Variants in SIPA1L1 observed in about 807,000 individuals in gnomAD.
The protein encoded by SIPA1L1 is signal-induced proliferation-associated 1-like protein 1.
A neutral mutation model predicts 162.7 loss-of-function variants in SIPA1L1; 26 were observed. The ratio of observed to expected loss-of-function variants is 0.16; its 90% CI spans 0.12 to 0.22. SIPA1L1 has a LOEUF of 0.22. SIPA1L1 is among the 10% of genes least tolerant of loss of function. The pLI is 1.00. For synonymous variants in SIPA1L1, 829 were observed against 837.4 expected, an observed-to-expected ratio of 0.99 and a Z score of 0.17; for missense variants, 1,874 against 2,241.0, an observed-to-expected ratio of 0.84 and a Z score of 3.31.
At chr14:71,681,395 A>T (rs1451463839) in intron 12 of SIPA1L1, among the ~76,000 whole-genome samples, 1 of 152,196 alleles carries the variant, frequency 6.6e-6, no homozygotes, top group Non-Finnish European at 1.5e-5. Context: ...TCAACCCTTT[A>T]TTCTGTTGAG....
intron 17 of SIPA1L1, among the ~76,000 whole-genome samples, chr14:71,715,750 T>A (rs992676249): frequency 6.6e-5 from 10 of 152,250 alleles, no homozygotes; most frequent in Non-Finnish European, 8.8e-5. Context: ...AACAAGCAGG[T>A]ATCTCCCACA....
chr14:71,469,478 T>TC (rs1457016676), intron 2 of SIPA1L1, among the ~76,000 whole-genome samples: 1 of 151,934 alleles, frequency 6.6e-6, no homozygotes, highest in Non-Finnish European at 1.5e-5. Flanking sequence ...TCTTAACCCA[T>TC]CCCCAAGTGC....
Position 71,702,394 on chromosome 14 carries a change from C to G in SIPA1L1, c.3535C>G (p.Arg1179Gly), listed in dbSNP as rs754202604. 1 of 1,614,054 alleles carries G rather than the reference C, an allele frequency of 6.2e-7. No individual in the cohort carries two copies. Among genetic ancestry groups the G allele is most frequent in the South Asian group, 1.1e-5 (1 of 91,070 alleles). ...AAATCACCACAGGTTTGGAGTGAGC[C>G]GTAGATCCCCAGCCTCCATTGACAG... ...KSMPEGFGVSRRSPASIDRQN... is the reference protein window; with the variant it reads ...KSMPEGFGVSGRSPASIDRQN... Residue 1179 changes from arginine to glycine, a missense_variant, in exon 15 of 24, where the codon CGT (arginine) becomes GGT (glycine). Physicochemically the swap from Arg to Gly is moderately radical, Grantham distance 125 (BLOSUM62 -2). Around this residue, in one of 5 missense-constraint regions of SIPA1L1, gnomAD observed 936 missense variants for 1,051.9 expected, o/e 0.89. Transcript: ENST00000381232.
chr14:71,463,451 CGTTTTGGGTCCCCTGGAA>C (rs1401654855), intron 2 of SIPA1L1, among the ~76,000 whole-genome samples: 4 of 152,148 alleles, frequency 2.6e-5, no homozygotes, highest in Non-Finnish European at 5.9e-5. Flanking sequence ...ACTACAGTGA[CGTTTTGGGTCCCCTGGAA>C]TCAGCATCAG....
intron 17 of SIPA1L1, among the ~76,000 whole-genome samples, chr14:71,718,266 G>C (rs2083419973): frequency 6.6e-6 from 1 of 152,210 alleles, no homozygotes; most frequent in Non-Finnish European, 1.5e-5. Context: ...CATGCTGTGA[G>C]TTGTGTGCAT....
chr14:71,540,426 A>G (rs759171570), intron 4 of SIPA1L1, among the ~76,000 whole-genome samples: 5 of 152,148 alleles, frequency 3.3e-5, no homozygotes, highest in Non-Finnish European at 5.9e-5. Context: ...CATGTCTGTA[A>G]TCCCAGCACC....
intron 13 of SIPA1L1, among the ~76,000 whole-genome samples, chr14:71,688,640 G>A (rs1272676488): frequency 6.6e-6 from 1 of 152,062 alleles, no homozygotes; most frequent in Non-Finnish European, 1.5e-5. Context: ...GAGGAGTACC[G>A]GGGCACCCCT....
rs894170875 is a variant in SIPA1L1, at chr14:71,377,107, G to A, written c.-465+55926G>A. ...GGGCTCCTCACTTTCCAGATGTGGC[G>A]GCCGGGCAGAGGGGCCCCCCCACCC... On this transcript the variant is annotated intron_variant, in intron 2 of 23. Coordinates refer to ENST00000381232, the MANE Select transcript of SIPA1L1 (RefSeq NM_001386936.1). This position sits in a 1 kb window ranked among gnomAD's most constrained non-coding sequence, Gnocchi z 4.8. Among the ~76,000 whole-genome samples the A allele has an allele frequency of 7.2e-5, 11 of 151,968 alleles. No individual in the cohort carries two copies. The highest frequency in any genetic ancestry group is 5.8e-4 in the East Asian group (3 of 5,150).
chr14:71,439,361 G>A (rs1486419454), intron 2 of SIPA1L1, among the ~76,000 whole-genome samples: 3 of 152,108 alleles, frequency 2.0e-5, no homozygotes, highest in African/African-American at 4.8e-5. Context: ...GGAAAAGGTA[G>A]GTGGAGCATT....
chr14:71,446,915 T>TG (rs1261451045), intron 2 of SIPA1L1, among the ~76,000 whole-genome samples: 215 of 124,540 alleles, frequency 1.7e-3, no homozygotes, highest in Non-Finnish European at 2.5e-3. Context: ...TGTTTTTTTT[T>TG]TTTTTTTTTT....
chr14:71,730,385 G>A, intron 20 of SIPA1L1, 84 bp downstream of exon 20: 1 of 1,490,988 alleles, frequency 6.7e-7, no homozygotes, highest in Admixed American at 1.7e-5. Context: ...CATGTGCTCA[G>A]AGAGGGGTCC....
intron 2 of SIPA1L1, among the ~76,000 whole-genome samples, chr14:71,440,130 AT>A (rs2044719335): frequency 6.6e-6 from 1 of 151,986 alleles, no homozygotes; most frequent in Non-Finnish European, 1.5e-5. Flanking sequence ...GGTTGAAGCA[AT>A]TTTCATGCCT....
intron 2 of SIPA1L1, among the ~76,000 whole-genome samples, chr14:71,505,061 G>T (rs1263036599): frequency 6.6e-6 from 1 of 152,078 alleles, no homozygotes; most frequent in Non-Finnish European, 1.5e-5. Context: ...ATTCTCCTTT[G>T]CATTTTCATT....
At chr14:71,445,008 A>G (rs533856813) in intron 2 of SIPA1L1, among the ~76,000 whole-genome samples, 4 of 152,322 alleles carry the variant, frequency 2.6e-5, no homozygotes, top group Admixed American at 1.3e-4. Context: ...GCAAAAGCTA[A>G]CAGATACCAC....
intron 12 of SIPA1L1, among the ~76,000 whole-genome samples, chr14:71,680,584 G>A (rs2045702805): frequency 6.6e-6 from 1 of 152,150 alleles, no homozygotes; most frequent in Non-Finnish European, 1.5e-5. Context: ...TAAGATCAGA[G>A]AAGATCTGAA....
chr14:71,703,127 A>T (rs956787618), intron 15 of SIPA1L1, among the ~76,000 whole-genome samples: 1 of 152,210 alleles, frequency 6.6e-6, no homozygotes, highest in African/African-American at 2.4e-5. Flanking sequence ...ACTAGTTGAT[A>T]CAATAACATT....
intron 2 of SIPA1L1, among the ~76,000 whole-genome samples, chr14:71,439,498 T>A (rs1353692930): frequency 6.6e-6 from 1 of 152,230 alleles, no homozygotes; most frequent in Non-Finnish European, 1.5e-5. Context: ...TTTAATTTGA[T>A]TAATAACTTA....
rs894388651 is a variant in SIPA1L1, at chr14:71,377,238, G to T, written c.-465+56057G>T. ...CAGATGGGGTGGCGGCTGGGCGGGG[G>T]TGCCCCCCCACCTCCCAGACGGGGC... is the stretch of plus-strand genomic sequence containing the variant. On this transcript the variant is annotated intron_variant, in intron 2 of 23. Transcript: ENST00000381232. This position sits in a 1 kb window ranked among gnomAD's most constrained non-coding sequence, Gnocchi z 4.8. Among the ~76,000 whole-genome samples, 1 of 151,288 alleles carries T rather than the reference G, an allele frequency of 6.6e-6. No homozygotes were observed. Among genetic ancestry groups the T allele is most frequent in the African/African-American group, 2.4e-5 (1 of 41,158 alleles).
At chr14:71,578,575 C>T (rs2033460949) in intron 4 of SIPA1L1, among the ~76,000 whole-genome samples, 1 of 152,160 alleles carries the variant, frequency 6.6e-6, no homozygotes, top group South Asian at 2.1e-4. Context: ...TGAATGAACA[C>T]ATAGTTTGTA....
Sources: gnomAD v4.1 joint callset for allele counts (sites outside exome capture counted in the v4.1 genomes callset) on GRCh38, gnomAD v4.1.1 for gene constraint, gnomAD v4.1.1 regional missense constraint, Gnocchi (gnomAD v3.1) non-coding constraint, MANE v1.5 for transcripts, NCBI Gene and HGNC (gene_info 2026-07-23, HGNC 2026-07-21) for gene names.